CSMD3: variants seen among roughly 807,000 people sequenced by gnomAD.
The protein encoded by CSMD3 is CUB and sushi domain-containing protein 3.
CSMD3 carries 177 observed loss-of-function variants against 435.2 expected under a neutral mutation model. The observed-to-expected ratio is 0.41, with a 90% CI of 0.36 to 0.46. The LOEUF is 0.46. Ranked by LOEUF, CSMD3 falls within the 20% of genes least tolerant of loss-of-function variation. The pLI is 0.34. For synonymous variants in CSMD3, 1,656 were observed against 1,520.5 expected (o/e 1.09, Z -2.07); for missense variants, 4,265 against 4,504.6 (o/e 0.95, Z 1.52).
At chr8:112,528,845 G>T (rs773464077) in intron 27 of CSMD3, among the ~76,000 whole-genome samples, 9 of 152,012 alleles carry the variant, frequency 5.9e-5, no homozygotes, top group Non-Finnish European at 1.3e-4. Context: ...AAAGGCCTTG[G>T]TTTGCACATG....
At chr8:113,135,538 T>G (rs569809935) in intron 4 of CSMD3, among the ~76,000 whole-genome samples, 9 of 151,980 alleles carry the variant, frequency 5.9e-5, no homozygotes, top group Non-Finnish European at 1.0e-4. Context: ...ATAATTTACC[T>G]GAGTTTAAGA....
intron 7 of CSMD3, among the ~76,000 whole-genome samples, chr8:112,955,933 T>G (rs1005083252): frequency 6.6e-6 from 1 of 151,980 alleles, no homozygotes; most frequent in Non-Finnish European, 1.5e-5. Context: ...TTATGGATAT[T>G]TATTGGTTTA....
At chr8:112,319,032 A>C (rs1191143048) in intron 46 of CSMD3, 82 bp from the exon 47 acceptor site, 19 of 824,866 alleles carry the variant, frequency 2.3e-5, no homozygotes, top group African/African-American at 8.5e-5. Context: ...GTAGGAGAAT[A>C]TTTTCTCCTT....
At position 112,608,907 on chromosome 8, in the gene CSMD3, G is replaced by GA. The variant is rs1164432565; in HGVS notation, c.3716-21673dup. Among the ~76,000 whole-genome samples, 6 of 151,666 alleles carry GA rather than the reference G, an allele frequency of 4.0e-5. No homozygotes were observed. The South Asian group carries it at 6.2e-4, about 16-fold the overall frequency. On this transcript the variant is annotated intron_variant, in intron 22 of 70. Transcript: ENST00000297405. ...ACCTTAACACTTCTAATAGAAAACA[G>GA]AAAAAAGTGCTCTATAATTGTAATT... is the stretch of plus-strand genomic sequence containing the variant.
At chr8:112,656,026 A>C in intron 18 of CSMD3, 128 bp downstream of exon 18, 2 of 620,296 alleles carry the variant, frequency 3.2e-6, no homozygotes, top group Non-Finnish European at 5.7e-6. Flanking sequence ...AAGCATTAAC[A>C]TTCTTATAGA....
chr8:112,393,450 C>T (rs1195373935), intron 35 of CSMD3, among the ~76,000 whole-genome samples: 7 of 152,140 alleles, frequency 4.6e-5, no homozygotes, highest in Admixed American at 4.6e-4. Context: ...TACCATAGCA[C>T]CAAATGTTTT....
At chr8:112,412,368 G>C (rs1253875300) in intron 32 of CSMD3, among the ~76,000 whole-genome samples, 1 of 139,418 alleles carries the variant, frequency 7.2e-6, no homozygotes, top group Non-Finnish European at 1.6e-5. Context: ...CTCCGTGGTG[G>C]TCTGTTTCTT....
chr8:113,216,174 A>G (rs1477795741), intron 3 of CSMD3, among the ~76,000 whole-genome samples: 1 of 151,930 alleles, frequency 6.6e-6, no homozygotes, highest in African/African-American at 2.4e-5. Context: ...AATCCATAAG[A>G]AATAATTACA....
intron 1 of CSMD3, among the ~76,000 whole-genome samples, chr8:113,382,808 C>T (rs921979297): frequency 6.6e-6 from 1 of 151,858 alleles, no homozygotes; most frequent in African/African-American, 2.4e-5. Context: ...TGATGAAACC[C>T]CGTCTCTACT....
chr8:112,550,726 GA>G lies in CSMD3; in HGVS notation c.4508del (p.Ile1503ThrfsTer33). 1 of 1,606,990 alleles carries G rather than the reference GA, an allele frequency of 6.2e-7. No homozygotes were observed. The highest frequency in any genetic ancestry group is 8.5e-7 in the Non-Finnish European group (1 of 1,173,858). ...TAATATAAAAATCCGTGTCAAACTG[GA>G]TGGTTACTATATTGAGGGTGCTATG... is the stretch of plus-strand genomic sequence containing the variant. Reference protein sequence around the residue: ...GIHSTLNIVTIQFDTDFYISK... With the variant: ...GIHSTLNIVTXQFDTDFYISK... On this transcript the variant is annotated frameshift_variant, in exon 27 of 71. Transcript: ENST00000297405. LOFTEE classifies it high-confidence loss of function.
At chr8:112,440,810 G>C (rs1814920948) in intron 32 of CSMD3, among the ~76,000 whole-genome samples, 1 of 152,178 alleles carries the variant, frequency 6.6e-6, no homozygotes, top group Admixed American at 6.5e-5. Flanking sequence ...AGCTGAAGCA[G>C]CTGGGATGCA....
At chr8:112,255,861 T>C (rs1476105500) in intron 61 of CSMD3, 2 of 174,162 alleles carry the variant, frequency 1.1e-5, no homozygotes, top group South Asian at 1.3e-4. Flanking sequence ...TTTACATGTA[T>C]ATAAAAAGCT....
intron 1 of CSMD3, among the ~76,000 whole-genome samples, chr8:113,419,759 A>G (rs530894815): frequency 6.6e-6 from 1 of 152,196 alleles, no homozygotes; most frequent in South Asian, 2.1e-4. Context: ...ATGAGAATAT[A>G]TTAGAATTAT....
At chr8:113,143,360 A>G (rs1417234023) in intron 4 of CSMD3, among the ~76,000 whole-genome samples, 1 of 151,460 alleles carries the variant, frequency 6.6e-6, no homozygotes, top group South Asian at 2.1e-4. Flanking sequence ...AATCACTTAC[A>G]TATCACCAGC....
At chr8:112,783,412 A>AGGAGGGGGGGAGGGAGGGAGGGAGGGAG (rs2078444568) in intron 13 of CSMD3, among the ~76,000 whole-genome samples, 7 of 78,904 alleles carry the variant, frequency 8.9e-5, no homozygotes, top group African/African-American at 4.0e-4. Context: ...GAAGGAAGGA[A>AGGAGGGGGGGAGGGAGGGAGGGAGGGAG]GGAGGGAGGG....
chr8:112,282,989 G>A (rs1034513895), intron 58 of CSMD3, among the ~76,000 whole-genome samples: 3 of 151,964 alleles, frequency 2.0e-5, no homozygotes, highest in African/African-American at 7.2e-5. Flanking sequence ...GATTCATTAA[G>A]CACTTAATAT....
chr8:112,671,248 G>T (rs376945788), intron 16 of CSMD3, among the ~76,000 whole-genome samples: 6 of 151,594 alleles, frequency 4.0e-5, no homozygotes, highest in Non-Finnish European at 7.4e-5. Flanking sequence ...AAACTTGTTT[G>T]TTTTTTTTCC....
chr8:113,183,829 CTG>C (rs1431566916), intron 3 of CSMD3, among the ~76,000 whole-genome samples: 1 of 151,970 alleles, frequency 6.6e-6, no homozygotes, highest in East Asian at 1.9e-4. Context: ...CCAAATCAAA[CTG>C]TGTTTTTCCT....
At chr8:113,158,291 G>A (rs534822996) in intron 4 of CSMD3, among the ~76,000 whole-genome samples, 1 of 152,062 alleles carries the variant, frequency 6.6e-6, no homozygotes, top group South Asian at 2.1e-4. Flanking sequence ...TGAGTGTAGG[G>A]GCAGCAAAAG....
Sources: allele counts gnomAD v4.1 joint callset (sites outside exome capture counted in the v4.1 genomes callset), GRCh38; gene constraint gnomAD v4.1.1; transcripts MANE v1.5; gene names NCBI Gene and HGNC (gene_info 2026-07-23, HGNC 2026-07-21).